Variants in RADX observed in about 807,000 individuals in gnomAD.
RADX encodes the protein RPA-related protein RADX.
A neutral mutation model predicts 61.6 loss-of-function variants in RADX; 36 were observed. The observed-to-expected ratio is 0.58, with a 90% CI of 0.45 to 0.77. The LOEUF (loss-of-function observed/expected upper bound fraction) is 0.77, where lower values mean the gene tolerates loss of function less well. RADX is among the 30% of genes least tolerant of loss of function. RADX has a pLI of 0.00. For missense variants in RADX, 497 were observed against 651.1 expected (o/e 0.76, Z 2.58); for synonymous variants, 272 against 237.9 (o/e 1.14, Z -1.32).
chrX:106,640,589 T>A lies in RADX; in HGVS notation c.1772T>A (p.Val591Glu). The part of the protein sequence containing the change: ...NRPSTSQAAR[V>E]EIQERNGKRH... ...CCCTCGACCTCTCAAGCAGCTAGAG[T>A]AGAAATTCAAGAAAGAAATGGTAAA... Residue 591 changes from valine (V) to glutamate (E), a missense_variant, in exon 10 of 14, where the codon GTA becomes GAA. Val to Glu is a moderately radical substitution (Grantham distance 121, BLOSUM62 -2). Around this residue, in one of 3 missense-constraint regions of RADX, gnomAD observed 267 missense variants for 306.9 expected, o/e 0.87. Transcript: ENST00000372548. The A allele has an allele frequency of 1.8e-5, 21 of 1,199,672 alleles. No individual in the cohort carries two copies. The highest frequency in any genetic ancestry group is 2.4e-5 in the Non-Finnish European group (21 of 889,017).
chrX:106,621,959 A>G (rs1256605582), intron 1 of RADX, among the ~76,000 whole-genome samples: 1 of 102,463 alleles, frequency 9.8e-6, no homozygotes, highest in African/African-American at 3.7e-5. Flanking sequence ...CAGGCTCTCA[A>G]TTGCTCAGGC....
Position 106,637,851 on chromosome X carries a change from T to C in RADX, c.1500T>C (p.Asn500=). 8.3e-7 allele frequency: 1 copy of C among 1,207,539 alleles called. No individual in the cohort carries two copies. The highest frequency in any genetic ancestry group is 2.3e-4 in the Middle Eastern group (1 of 4,348). ...AGTCTGATTCCGGGGAACAGAAGAATATGGTTATTGGTGGATATTACCCCT... is the reference window on the plus strand; with the variant it reads ...AGTCTGATTCCGGGGAACAGAAGAACATGGTTATTGGTGGATATTACCCCT... ...RTKSDSGEQK[N]MVIGGYYPYP... Residue 500 remains asparagine (N), a synonymous_variant, in exon 8 of 14, where the codon AAT becomes AAC. Transcript: ENST00000372548.
chrX:106,619,892 A>G (rs1398146547), intron 1 of RADX, among the ~76,000 whole-genome samples: 1 of 111,364 alleles, frequency 9.0e-6, no homozygotes, highest in Non-Finnish European at 1.9e-5. Flanking sequence ...ATTGTGGTAT[A>G]GTGTTTTCTG....
intron 10 of RADX, among the ~76,000 whole-genome samples, chrX:106,647,753 G>A (rs1927696192): frequency 9.0e-6 from 1 of 111,094 alleles, no homozygotes; most frequent in African/African-American, 3.3e-5. Flanking sequence ...GTGATGTTGA[G>A]CACCTTTTCA....
chrX:106,652,091 G>A (rs1927806898), intron 11 of RADX, among the ~76,000 whole-genome samples: 1 of 110,544 alleles, frequency 9.0e-6, no homozygotes, highest in Admixed American at 9.7e-5. Context: ...TTCAATAAAT[G>A]TAAACATATT....
At position 106,637,836 on chromosome X, in the gene RADX, CG is replaced by C; in HGVS notation, c.1489del (p.Glu497AsnfsTer33). The C allele has an allele frequency of 2.5e-6, 3 of 1,206,759 alleles. No individual in the cohort carries two copies. The highest frequency in any genetic ancestry group is 3.4e-6 in the Non-Finnish European group (3 of 891,622). ...AATGGATTAGAACAAAGTCTGATTC[CG>C]GGGAACAGAAGAATATGGTTATTGG... ...IQWIRTKSDS[G>X]EQKNMVIGGY... On this transcript the variant is annotated frameshift_variant, in exon 8 of 14. Transcript: ENST00000372548. LOFTEE classifies it high-confidence loss of function.
intron 10 of RADX, among the ~76,000 whole-genome samples, chrX:106,646,511 A>G (rs1330248870): frequency 9.0e-6 from 1 of 111,552 alleles, no homozygotes; most frequent in Non-Finnish European, 1.9e-5. Flanking sequence ...TAAACCTGTA[A>G]TTTCAATATG....
At chrX:106,677,053 A>C (rs188804961) in intron 13 of RADX, among the ~76,000 whole-genome samples, 29 of 112,340 alleles carry the variant, frequency 2.6e-4, no homozygotes, top group Middle Eastern at 4.6e-3. Context: ...TTGTCTTTAA[A>C]TGCGTTCAGC....
chrX:106,623,444 T>C (rs769704821), intron 2 of RADX, among the ~76,000 whole-genome samples: 3 of 111,860 alleles, frequency 2.7e-5, no homozygotes, highest in African/African-American at 6.5e-5. Flanking sequence ...TTTTAGATGT[T>C]TCATTAAACT....
intron 11 of RADX, among the ~76,000 whole-genome samples, chrX:106,657,796 A>G (rs1171556807): frequency 9.0e-6 from 1 of 111,416 alleles, no homozygotes; most frequent in Non-Finnish European, 1.9e-5. Context: ...CCTCAAAACA[A>G]TTACAATAGT....
rs1603068339 is a variant in RADX, at chrX:106,678,297, A to G, written c.*39A>G. 1 of 973,553 alleles carries G rather than the reference A, an allele frequency of 1.0e-6. No homozygotes were observed. The highest frequency in any genetic ancestry group is 1.4e-6 in the Non-Finnish European group (1 of 699,361). The allele number at this position is 973,553 out of a possible 1,213,427, so 80.2% of individuals were successfully genotyped here. The stretch of plus-strand genomic sequence containing the variant: ...AAATTATTACAGATTATACGAGTGT[A>G]CTGCTTTAAAGATATTCCATCATTT... On this transcript the variant is annotated 3_prime_UTR_variant, in exon 14 of 14. Transcript: ENST00000372548.
intron 7 of RADX, 33 bp from the exon 8 acceptor site, chrX:106,637,727 T>C: frequency 9.1e-7 from 1 of 1,104,427 alleles, no homozygotes; most frequent in African/African-American, 1.8e-5. Flanking sequence ...TTTTTATTTC[T>C]CATTTTTTAT....
rs749144172 is a variant in RADX, at chrX:106,678,302, T to C, written c.*44T>C. ...ATTACAGATTATACGAGTGTACTGC[T>C]TTAAAGATATTCCATCATTTTGCTG... On this transcript the variant is annotated 3_prime_UTR_variant, in exon 14 of 14. Transcript: ENST00000372548. 17 of 894,471 alleles carry C rather than the reference T, an allele frequency of 1.9e-5. No individual in the cohort carries two copies. The Admixed American group carries it at 2.1e-4, about 11-fold the overall frequency. The allele number at this position is 894,471 out of a possible 1,213,427, so 73.7% of individuals were successfully genotyped here. A position where few individuals can be genotyped will look rare whatever the true frequency, so the allele number is the denominator to read the frequency against.
chrX:106,651,043 G>A (rs1439306280), intron 11 of RADX, among the ~76,000 whole-genome samples: 2 of 109,831 alleles, frequency 1.8e-5, no homozygotes, highest in African/African-American at 6.6e-5. Flanking sequence ...ATTTGAAGAG[G>A]GTATTTTTTC....
At chrX:106,656,303 C>G (rs1436504898) in intron 11 of RADX, among the ~76,000 whole-genome samples, 1 of 111,869 alleles carries the variant, frequency 8.9e-6, no homozygotes, top group Non-Finnish European at 1.9e-5. Flanking sequence ...ATTTCCACCA[C>G]TTCTGCAGTT....
chrX:106,636,374 A>G (rs890678599), intron 6 of RADX, among the ~76,000 whole-genome samples, 169 bp from the exon 7 acceptor site: 1 of 112,249 alleles, frequency 8.9e-6, no homozygotes, highest in African/African-American at 3.2e-5. Flanking sequence ...TTAGAAATGC[A>G]GAATCTCAGG....
intron 12 of RADX, among the ~76,000 whole-genome samples, chrX:106,666,718 C>A (rs148262130): frequency 9.0e-6 from 1 of 111,383 alleles, no homozygotes; most frequent in Non-Finnish European, 1.9e-5. Context: ...ATGCATTTTA[C>A]GGTAAAGGAA....
intron 6 of RADX, among the ~76,000 whole-genome samples, chrX:106,636,328 C>G (rs1927357130): frequency 9.0e-6 from 1 of 111,515 alleles, no homozygotes; most frequent in African/African-American, 3.3e-5. Flanking sequence ...AGTGTGGTCC[C>G]AGGACTGGCA....
At chrX:106,643,663 TC>T (rs1270791607) in intron 10 of RADX, among the ~76,000 whole-genome samples, 1 of 111,636 alleles carries the variant, frequency 9.0e-6, no homozygotes, top group East Asian at 2.8e-4. Flanking sequence ...TGTGTGTTGA[TC>T]AATTGAAATG....
Sources: allele counts gnomAD v4.1 joint callset (sites outside exome capture counted in the v4.1 genomes callset), GRCh38; gene constraint gnomAD v4.1.1; regional missense constraint gnomAD v4.1.1; transcripts MANE v1.5; gene names NCBI Gene and HGNC (gene_info 2026-07-23, HGNC 2026-07-21).